Variants in ADCY8 observed in about 807,000 individuals in gnomAD.
ADCY8 encodes the protein adenylate cyclase 8, also known as adenylate cyclase type 8.
ADCY8 carries 51 observed loss-of-function variants against 119.7 expected under a neutral mutation model. The observed-to-expected ratio is 0.43, with a 90% CI of 0.34 to 0.54. ADCY8 has a LOEUF of 0.54. Among genes scored for constraint, ADCY8 ranks in the 20% least tolerant of loss-of-function variants. The pLI is 0.03. For missense variants in ADCY8, 1,383 were observed against 1,598.8 expected, an observed-to-expected ratio of 0.87 and a Z score of 2.30; for synonymous variants, 665 against 651.0, an observed-to-expected ratio of 1.02 and a Z score of -0.33.
chr8:130,926,406 G>A (rs1023044622), intron 5 of ADCY8, among the ~76,000 whole-genome samples: 10 of 151,420 alleles, frequency 6.6e-5, no homozygotes, highest in African/African-American at 2.4e-4. Flanking sequence ...CCTCATACTC[G>A]TACTTTTGAT....
intron 1 of ADCY8, among the ~76,000 whole-genome samples, chr8:131,001,594 CACATACTATATAT>C (rs1459033949): frequency 6.8e-6 from 1 of 147,402 alleles, no homozygotes; most frequent in African/African-American, 2.5e-5. Context: ...CTAATATATA[CACATACTATATAT>C]ACAAATATTT....
At chr8:130,989,996 C>A (rs553548488) in intron 2 of ADCY8, among the ~76,000 whole-genome samples, 43 of 152,198 alleles carry the variant, frequency 2.8e-4, no homozygotes, top group Non-Finnish European at 5.6e-4. Context: ...TTCTTCCATG[C>A]GCTTACTCTA....
chr8:130,926,732 C>T (rs1017773256), intron 5 of ADCY8, among the ~76,000 whole-genome samples: 7 of 152,024 alleles, frequency 4.6e-5, no homozygotes, highest in Admixed American at 1.3e-4. Context: ...ATTAACATCT[C>T]CTCAACCACA....
At chr8:130,919,978 TA>T (rs1820250543) in intron 5 of ADCY8, among the ~76,000 whole-genome samples, 1 of 151,822 alleles carries the variant, frequency 6.6e-6, no homozygotes, top group Non-Finnish European at 1.5e-5. Flanking sequence ...TCAGCATGTT[TA>T]AAATTCTTGG....
rs551418574 is a variant in ADCY8 at position 130,929,079 on chromosome 8, A to G, written c.1481+7994T>C. Among the ~76,000 whole-genome samples the G allele has an allele frequency of 3.3e-5, 5 of 152,192 alleles. No individual in the cohort carries two copies. In the East Asian group the frequency reaches 9.6e-4, roughly 29 times the overall value. ...TATTTGTTTTTTTCTTAATTAGTCCAGCAATAGGTCTTTCAACTTTATCTT... is the reference window on the plus strand; with the variant it reads ...TATTTGTTTTTTTCTTAATTAGTCCGGCAATAGGTCTTTCAACTTTATCTT... On this transcript the variant is annotated intron_variant, in intron 5 of 17. Transcript: ENST00000286355.
chr8:130,837,923 A>T (rs1416586207), intron 11 of ADCY8, among the ~76,000 whole-genome samples: 1 of 152,224 alleles, frequency 6.6e-6, no homozygotes, highest in Non-Finnish European at 1.5e-5. Context: ...GGTCACCAGG[A>T]TATAACCAAT....
chr8:130,787,673 C>T (rs1028141929), intron 15 of ADCY8, among the ~76,000 whole-genome samples: 4 of 142,162 alleles, frequency 2.8e-5, no homozygotes, highest in Admixed American at 2.2e-4. Flanking sequence ...TTTATGTGCA[C>T]ATGTATGTCC....
intron 5 of ADCY8, among the ~76,000 whole-genome samples, chr8:130,935,942 C>A (rs754384625): frequency 2.0e-5 from 3 of 152,158 alleles, no homozygotes; most frequent in Non-Finnish European, 2.9e-5. Context: ...CCTTTAAAAT[C>A]TCTCTAAAGA....
At chr8:130,820,149 A>G (rs927452565) in intron 13 of ADCY8, among the ~76,000 whole-genome samples, 50 of 152,156 alleles carry the variant, frequency 3.3e-4, no homozygotes, top group South Asian at 2.1e-4. Flanking sequence ...TTCTTTATTC[A>G]TTTCCTTCAC....
intron 15 of ADCY8, among the ~76,000 whole-genome samples, chr8:130,798,409 G>A (rs1164723310): frequency 6.6e-6 from 1 of 152,208 alleles, no homozygotes; most frequent in African/African-American, 2.4e-5. Flanking sequence ...AGAGGATGGG[G>A]TAAGGGCGAG....
chr8:131,027,594 AATTTC>A, intron 1 of ADCY8, among the ~76,000 whole-genome samples: 1 of 152,310 alleles, frequency 6.6e-6, no homozygotes, highest in East Asian at 1.9e-4. Flanking sequence ...AAACCATCAG[AATTTC>A]ATGTAGATAT....
chr8:130,972,896 T>A (rs996943342), intron 2 of ADCY8, among the ~76,000 whole-genome samples: 1 of 152,032 alleles, frequency 6.6e-6, no homozygotes, highest in Non-Finnish European at 1.5e-5. Flanking sequence ...GTTTTTTTTT[T>A]AATCTGTAAA....
chr8:130,823,688 ATATT>A (rs1297948275), intron 12 of ADCY8, among the ~76,000 whole-genome samples: 1 of 152,200 alleles, frequency 6.6e-6, no homozygotes, highest in East Asian at 1.9e-4. Flanking sequence ...CATTACAGAA[ATATT>A]TATGCTAATT....
chr8:130,870,707 T>C (rs141616799), intron 8 of ADCY8, among the ~76,000 whole-genome samples: 3 of 152,292 alleles, frequency 2.0e-5, no homozygotes, highest in Admixed American at 6.5e-5. Flanking sequence ...ATGAAGGTTT[T>C]TTACTGATGA....
At chr8:130,786,961 T>G (rs1246004079) in intron 15 of ADCY8, among the ~76,000 whole-genome samples, 1 of 151,980 alleles carries the variant, frequency 6.6e-6, no homozygotes, top group Non-Finnish European at 1.5e-5. Flanking sequence ...GGGGCCAGCA[T>G]AGATGAGGTC....
At position 130,991,437 on chromosome 8, in the gene ADCY8, G is replaced by C. The variant is rs116640289; in HGVS notation, c.961-895C>G. On this transcript the variant is annotated intron_variant, in intron 1 of 17. Transcript: ENST00000286355. The stretch of plus-strand genomic sequence containing the variant: ...ACCCGGTGAAAGAAAACCTAAAATT[G>C]TTTTATAACCTCTTATCTGAACCAC... Among the ~76,000 whole-genome samples, 881 of 152,250 alleles carry C rather than the reference G, an allele frequency of 5.8e-3. 7 individuals are homozygous for C. The highest frequency in any genetic ancestry group is 0.02 in the African/African-American group (839 of 41,532).
Position 131,039,960 on chromosome 8 carries a change from C to T in ADCY8, c.374G>A (p.Gly125Asp), listed in dbSNP as rs1032160440. The change falls in exon 1 of 18, where the codon GGC becomes GAC. Residue 125 changes from glycine to aspartate, a missense_variant. Gly to Asp is a moderately conservative substitution (Grantham distance 94). This residue lies in a region of ADCY8 where 455 missense variants were observed against 435.3 expected (regional missense o/e 1.05). Coordinates refer to ENST00000286355, the MANE Select transcript of ADCY8 (RefSeq NM_001115.3). Reference sequence around the variant, plus strand: ...GTCAAGGTGCAGGAAGCCCAGGTCGCCCCCGCCTCCGCTGCCGCTGGCACT... The same window carrying T: ...GTCAAGGTGCAGGAAGCCCAGGTCGTCCCCGCCTCCGCTGCCGCTGGCACT... ...SGSASGSGGGGDLGFLHLDCA... is the reference protein window; with the variant it reads ...SGSASGSGGGDDLGFLHLDCA... 5.7e-6 allele frequency: 9 copies of T among 1,588,146 alleles called. No individual in the cohort carries two copies. Among genetic ancestry groups the T allele is most frequent in the Non-Finnish European group, 2.6e-6 (3 of 1,167,924 alleles).
At chr8:130,882,195 A>T (rs1354183934) in intron 8 of ADCY8, among the ~76,000 whole-genome samples, 1 of 150,908 alleles carries the variant, frequency 6.6e-6, no homozygotes, top group African/African-American at 2.4e-5. Flanking sequence ...CCTTAGAGTC[A>T]ATGAAATATA....
At chr8:130,802,319 A>G (rs73716261) in intron 14 of ADCY8, among the ~76,000 whole-genome samples, 26,319 of 152,052 alleles carry the variant, frequency 0.17, 2,871 homozygotes, top group African/African-American at 0.31. Flanking sequence ...TTGTCTTCTA[A>G]ACATATTTGC....
Sources: gnomAD v4.1 joint callset for allele counts (sites outside exome capture counted in the v4.1 genomes callset) on GRCh38, gnomAD v4.1.1 for gene constraint, gnomAD v4.1.1 regional missense constraint, MANE v1.5 for transcripts, NCBI Gene and HGNC (gene_info 2026-07-23, HGNC 2026-07-21) for gene names.